Variants in TBC1D8B observed in about 807,000 individuals in gnomAD.
TBC1D8B encodes TBC1 domain family member 8B, also known as RP11-321G1.1.
TBC1D8B carries 75 observed loss-of-function variants against 82.9 expected under a neutral mutation model. The observed-to-expected ratio is 0.90, with a 90% CI of 0.75 to 1.10. The LOEUF (loss-of-function observed/expected upper bound fraction) is 1.10. Among genes scored for constraint, TBC1D8B ranks in the 50% least tolerant of loss-of-function variants. TBC1D8B has a pLI of 0.00. For missense variants in TBC1D8B, 794 were observed against 796.9 expected, an observed-to-expected ratio of 1.00 and a Z score of 0.04; for synonymous variants, 276 against 276.8, an observed-to-expected ratio of 1.00 and a Z score of 0.03.
At chrX:106,829,802 A>G (rs1428865420) in intron 7 of TBC1D8B, 1 of 112,002 alleles carries the variant, frequency 8.9e-6, no homozygotes, top group Non-Finnish European at 1.9e-5. Flanking sequence ...TTCAAGATGG[A>G]TTAAAGACTT....
At chrX:106,830,852 G>A (rs745886476) in intron 7 of TBC1D8B, among the ~76,000 whole-genome samples, 264 of 106,873 alleles carry the variant, frequency 2.5e-3, no homozygotes, top group African/African-American at 8.1e-3. Context: ...GCTAGAGGAC[G>A]TGTTAGTGGG....
intron 10 of TBC1D8B, among the ~76,000 whole-genome samples, 179 bp downstream of exon 10, chrX:106,841,063 A>G (rs1932294919): frequency 9.0e-6 from 1 of 111,656 alleles, no homozygotes; most frequent in Non-Finnish European, 1.9e-5. Context: ...ATATTTCATT[A>G]TTTTTCTTTT....
chrX:106,856,369 A>G (rs775493939), intron 14 of TBC1D8B, among the ~76,000 whole-genome samples: 10 of 110,711 alleles, frequency 9.0e-5, no homozygotes, highest in African/African-American at 2.9e-4. Flanking sequence ...CTTTTTTATT[A>G]CATGATATCT....
chrX:106,839,471 ATATT>A lies in TBC1D8B; in HGVS notation c.1353+17_1353+20del, dbSNP rs1602422626. ...AATTCTAAAATGGTAGGAAAACAAAATATTTAAACCTATGGGCTGAAACATTTGG... is the reference window on the plus strand; with the variant it reads ...AATTCTAAAATGGTAGGAAAACAAAATAAACCTATGGGCTGAAACATTTGG... On this transcript the variant is annotated intron_variant, in intron 8 of 20. Coordinates refer to ENST00000357242, the MANE Select transcript of TBC1D8B (RefSeq NM_017752.3). 3 of 1,130,054 alleles carry A rather than the reference ATATT, an allele frequency of 2.7e-6. No individual in the cohort carries two copies. Among genetic ancestry groups the A allele is most frequent in the Non-Finnish European group, 3.5e-6 (3 of 853,160 alleles). The allele number at this position is 1,130,054 out of a possible 1,213,427, so 93.1% of individuals were successfully genotyped here. A position where few individuals can be genotyped will look rare whatever the true frequency, so the allele number is the denominator to read the frequency against.
At chrX:106,828,230 GA>G (rs1440927246) in intron 7 of TBC1D8B, 1 of 113,151 alleles carries the variant, frequency 8.8e-6, no homozygotes, top group Non-Finnish European at 1.9e-5. Flanking sequence ...ACTCTCCCAA[GA>G]CTAAACCAGG....
intron 12 of TBC1D8B, 109 bp downstream of exon 12, chrX:106,850,419 A>G: frequency 1.2e-6 from 1 of 829,552 alleles, no homozygotes; most frequent in Admixed American, 4.1e-5. Context: ...AGTTTGTCCG[A>G]GATTACAAAA....
At chrX:106,853,733 T>G in intron 13 of TBC1D8B, 83 bp downstream of exon 13, 14 of 953,446 alleles carry the variant, frequency 1.5e-5, no homozygotes, top group Non-Finnish European at 2.0e-5. Flanking sequence ...GTATATTAAG[T>G]GTAAGATAAT....
intron 3 of TBC1D8B, 32 bp downstream of exon 3, chrX:106,821,027 G>A: frequency 1.1e-6 from 1 of 897,471 alleles, no homozygotes; most frequent in Non-Finnish European, 1.5e-6. Context: ...TGTAGATGGA[G>A]TGCCAAAACC....
intron 1 of TBC1D8B, among the ~76,000 whole-genome samples, chrX:106,805,089 T>TTG (rs1338275957): frequency 1.5e-4 from 13 of 87,756 alleles, no homozygotes; most frequent in African/African-American, 5.6e-4. Flanking sequence ...TTTTTTTTTT[T>TTG]TTTTTGTTTG....
chrX:106,818,807 A>G (rs767309683), intron 2 of TBC1D8B, 34 bp downstream of exon 2: 5 of 1,055,383 alleles, frequency 4.7e-6, no homozygotes, highest in African/African-American at 1.9e-5. Context: ...ATTCAAATTA[A>G]ATAAGGGTAC....
chrX:106,845,154 C>T (rs943736599), intron 10 of TBC1D8B, among the ~76,000 whole-genome samples: 4 of 110,407 alleles, frequency 3.6e-5, no homozygotes, highest in African/African-American at 9.9e-5. Flanking sequence ...ATCTCTCACT[C>T]GCACTATCTC....
At chrX:106,830,690 C>G (rs1480632962) in intron 7 of TBC1D8B, among the ~76,000 whole-genome samples, 1 of 105,961 alleles carries the variant, frequency 9.4e-6, no homozygotes, top group African/African-American at 3.5e-5. Flanking sequence ...TAAACTATCG[C>G]AAGGACAAAA....
chrX:106,819,691 C>T (rs1931642709), intron 2 of TBC1D8B, among the ~76,000 whole-genome samples: 1 of 110,354 alleles, frequency 9.1e-6, no homozygotes, highest in Non-Finnish European at 1.9e-5. Context: ...CCTCCTGGCC[C>T]TCTTAAAGTG....
At chrX:106,829,371 A>C (rs1326686951) in intron 7 of TBC1D8B, 3 of 104,352 alleles carry the variant, frequency 2.9e-5, no homozygotes, top group Non-Finnish European at 3.9e-5. Flanking sequence ...ATACTGCCCA[A>C]GGTAATTTAC....
chrX:106,849,952 T>C (rs1164136889), intron 11 of TBC1D8B, 73 bp from the exon 12 acceptor site: 5 of 1,109,399 alleles, frequency 4.5e-6, no homozygotes, highest in Middle Eastern at 2.5e-4. Flanking sequence ...AGCATGCTAA[T>C]AGAAGTGGGG....
rs761948032 is a variant in TBC1D8B at position 106,849,220 on chromosome X, A to ATTTTTT, written c.1838-788_1838-783dup. ...TGTCTTTCATTATAATTATTTGTGT[A>ATTTTTT]TTTTTTTTTTTTTTTTTTTTTTAGG... is the stretch of plus-strand genomic sequence containing the variant. On this transcript the variant is annotated intron_variant, in intron 11 of 20. Transcript: ENST00000357242. 65 of 879,155 alleles carry ATTTTTT rather than the reference A, an allele frequency of 7.4e-5. 7 individuals carry two copies. Among genetic ancestry groups the ATTTTTT allele is most frequent in the African/African-American group, 2.8e-5 (1 of 36,320 alleles). The allele number at this position is 879,155 out of a possible 1,213,427, so 72.5% of individuals were successfully genotyped here.
chrX:106,849,281 G>A (rs1393737099), intron 11 of TBC1D8B: 2 of 1,116,520 alleles, frequency 1.8e-6, no homozygotes, highest in African/African-American at 4.1e-5. Flanking sequence ...AGAATCCAAG[G>A]ACAATGTGTT....
chrX:106,839,914 G>T (rs191992069), intron 8 of TBC1D8B, 134 bp from the exon 9 acceptor site: 1 of 583,051 alleles, frequency 1.7e-6, no homozygotes, highest in African/African-American at 2.4e-5. Context: ...TCACCCCTGG[G>T]TGAATACTGA....
intron 10 of TBC1D8B, among the ~76,000 whole-genome samples, chrX:106,842,601 CTCTA>C (rs55764545): frequency 0.4 from 38,293 of 95,057 alleles, 7,032 homozygotes; most frequent in South Asian, 0.51. Flanking sequence ...GGCTAGCTTG[CTCTA>C]TCTATCTATC....
Sources: gnomAD v4.1 joint callset for allele counts (sites outside exome capture counted in the v4.1 genomes callset) on GRCh38, gnomAD v4.1.1 for gene constraint, MANE v1.5 for transcripts, NCBI Gene and HGNC (gene_info 2026-07-23, HGNC 2026-07-21) for gene names.